The following ARID2 variants were observed in gnomAD, a reference collection of about 807,000 sequenced individuals.
ARID2 encodes AT-rich interactive domain-containing protein 2.
In ARID2, 32 loss-of-function variants were observed where a neutral mutation model predicts 184.6. The ratio of observed to expected loss-of-function variants is 0.17; its 90% CI spans 0.13 to 0.23. ARID2 has a LOEUF of 0.23. Among genes scored for constraint, ARID2 ranks in the 10% least tolerant of loss-of-function variants. ARID2 has a pLI of 1.00. For synonymous variants in ARID2, 836 were observed against 772.6 expected (o/e 1.08, Z -1.36); for missense variants, 1,696 against 2,197.6 (o/e 0.77, Z 4.56).
chr12:45,769,133 A>G (rs1048933157), intron 3 of ARID2, among the ~76,000 whole-genome samples: 16 of 152,252 alleles, frequency 1.1e-4, no homozygotes, highest in African/African-American at 3.6e-4. Flanking sequence ...GTTCCCAACA[A>G]AAAATTGTGA....
chr12:45,819,888 T>C (rs1942867885), intron 5 of ARID2, among the ~76,000 whole-genome samples: 1 of 151,700 alleles, frequency 6.6e-6, no homozygotes, highest in African/African-American at 2.4e-5. Context: ...GGACTACGAG[T>C]GAGCACCACC....
In ARID2 at chr12:45,771,870, C is replaced by T. The variant is rs531913465; in HGVS notation, c.285-39548C>T. The stretch of plus-strand genomic sequence containing the variant: ...AGAAACAGTAAAAAAGAGCAAACTC[C>T]CTTTGCTCTTTTTATTCTCTCAGCT... On this transcript the variant is annotated intron_variant, in intron 3 of 20. Coordinates refer to ENST00000334344, the MANE Select transcript of ARID2 (RefSeq NM_152641.4). Among the ~76,000 whole-genome samples the T allele has an allele frequency of 5.9e-5, 9 of 152,064 alleles. No individual in the cohort carries two copies. In the South Asian group the frequency reaches 1.5e-3, roughly 25 times the overall value.
chr12:45,844,220 A>G (rs1028236926), intron 11 of ARID2, among the ~76,000 whole-genome samples: 4 of 151,954 alleles, frequency 2.6e-5, no homozygotes, highest in Admixed American at 1.3e-4. Flanking sequence ...GGGTTTCACT[A>G]TGTTGCCCAG....
At chr12:45,774,639 C>CT (rs948625187) in intron 3 of ARID2, among the ~76,000 whole-genome samples, 7 of 152,058 alleles carry the variant, frequency 4.6e-5, no homozygotes, top group African/African-American at 1.7e-4. Context: ...TGGTGGGACT[C>CT]TAAGAGACGA....
intron 20 of ARID2, among the ~76,000 whole-genome samples, chr12:45,901,202 G>A (rs1453573737): frequency 4.0e-5 from 4 of 99,042 alleles, no homozygotes; most frequent in South Asian, 3.6e-4. Flanking sequence ...ACAGAGTCTC[G>A]CTCCGTTGCC....
At chr12:45,873,508 T>C (rs1254156802) in intron 16 of ARID2, among the ~76,000 whole-genome samples, 1 of 152,176 alleles carries the variant, frequency 6.6e-6, no homozygotes, top group Admixed American at 6.5e-5. Context: ...ACTTTTTCAT[T>C]TGTGGTTATT....
intron 11 of ARID2, chr12:45,840,323 T>G (rs879718229): frequency 2.0e-5 from 3 of 152,194 alleles, no homozygotes; most frequent in Non-Finnish European, 4.4e-5. Flanking sequence ...TAATTCTCAC[T>G]TTGCAATTAA....
At chr12:45,785,735 C>T (rs185597826) in intron 3 of ARID2, among the ~76,000 whole-genome samples, 3 of 152,218 alleles carry the variant, frequency 2.0e-5, no homozygotes, top group South Asian at 2.1e-4. Flanking sequence ...AAAAACACCC[C>T]CCCAAATCCA....
chr12:45,796,548 C>G (rs1368195558), intron 3 of ARID2, among the ~76,000 whole-genome samples: 1 of 151,098 alleles, frequency 6.6e-6, no homozygotes, highest in Non-Finnish European at 1.5e-5. Context: ...AAGTATTGCT[C>G]TGTCGTCCAG....
At chr12:45,817,028 T>C (rs1384897065) in intron 4 of ARID2, among the ~76,000 whole-genome samples, 1 of 152,206 alleles carries the variant, frequency 6.6e-6, no homozygotes, top group Non-Finnish European at 1.5e-5. Context: ...GATATTGCAG[T>C]AATTTGGAAG....
At chr12:45,778,760 G>C (rs1404174128) in intron 3 of ARID2, among the ~76,000 whole-genome samples, 1 of 151,674 alleles carries the variant, frequency 6.6e-6, no homozygotes, top group Non-Finnish European at 1.5e-5. Flanking sequence ...GTATTAATCT[G>C]AATTAAAATC....
intron 16 of ARID2, among the ~76,000 whole-genome samples, chr12:45,873,302 C>T (rs61925816): frequency 0.17 from 25,348 of 152,152 alleles, 2,869 homozygotes; most frequent in Non-Finnish European, 0.25. Flanking sequence ...ATTATCCTCT[C>T]TGTCTTTTAA....
At chr12:45,741,356 C>T (rs570023613) in intron 3 of ARID2, among the ~76,000 whole-genome samples, 4 of 152,206 alleles carry the variant, frequency 2.6e-5, no homozygotes, top group South Asian at 2.1e-4. Flanking sequence ...TGCCACCCTG[C>T]CCAGCTAGTT....
intron 11 of ARID2, among the ~76,000 whole-genome samples, chr12:45,844,963 G>A (rs1195794906): frequency 6.6e-6 from 1 of 152,134 alleles, no homozygotes; most frequent in Admixed American, 6.5e-5. Context: ...GTTTTAGGAA[G>A]AATACATAAG....
In ARID2 at chr12:45,750,810, A is replaced by G. The variant is rs781066054; in HGVS notation, c.284+19496A>G. Among the ~76,000 whole-genome samples the G allele has an allele frequency of 7.2e-5, 11 of 152,168 alleles. 1 individual carries two copies. Among genetic ancestry groups the G allele is most frequent in the Non-Finnish European group, 1.6e-4 (11 of 68,020 alleles). ...ATTTTAATCCCCCAAACTACCCTATAAGAATACCATCATCATCATTTTATA... is the reference window on the plus strand; with the variant it reads ...ATTTTAATCCCCCAAACTACCCTATGAGAATACCATCATCATCATTTTATA... On this transcript the variant is annotated intron_variant, in intron 3 of 20. Transcript: ENST00000334344.
intron 3 of ARID2, among the ~76,000 whole-genome samples, chr12:45,759,016 T>C (rs967424665): frequency 2.0e-5 from 3 of 152,018 alleles, no homozygotes; most frequent in African/African-American, 7.2e-5. Context: ...CACACACACA[T>C]ATGTGTATGT....
chr12:45,904,789 T>A, intron 20 of ARID2, 145 bp from the exon 21 acceptor site: 1 of 663,928 alleles, frequency 1.5e-6, no homozygotes, highest in Non-Finnish European at 2.3e-6. Flanking sequence ...GATGCTTCCC[T>A]CTCTTCCTGC....
At chr12:45,835,007 A>T (rs1943192326) in intron 6 of ARID2, among the ~76,000 whole-genome samples, 1 of 152,058 alleles carries the variant, frequency 6.6e-6, no homozygotes, top group Admixed American at 6.5e-5. Context: ...TGTATGTTAG[A>T]ACTTTTCACT....
intron 5 of ARID2, among the ~76,000 whole-genome samples, chr12:45,820,704 G>T (rs1389796819): frequency 6.6e-6 from 1 of 152,138 alleles, no homozygotes; most frequent in African/African-American, 2.4e-5. Context: ...CTGCTTTATA[G>T]TCTGATCCCA....
Sources: gnomAD v4.1 joint callset for allele counts (sites outside exome capture counted in the v4.1 genomes callset) on GRCh38, gnomAD v4.1.1 for gene constraint, MANE v1.5 for transcripts, NCBI Gene and HGNC (gene_info 2026-07-23, HGNC 2026-07-21) for gene names.